The following TRAF3 variants were observed in gnomAD, a reference collection of about 807,000 sequenced individuals.
The protein encoded by TRAF3 is TNF receptor associated factor 3.
Under a neutral mutation model 62.3 loss-of-function variants are expected in TRAF3, and 13 were observed. The observed-to-expected ratio is 0.21, with a 90% CI of 0.14 to 0.33. TRAF3 has a LOEUF of 0.33. TRAF3 is among the 10% of genes least tolerant of loss of function. The pLI is 1.00. For synonymous variants in TRAF3, 269 were observed against 283.4 expected (o/e 0.95, Z 0.51); for missense variants, 440 against 741.8 (o/e 0.59, Z 4.73).
intron 1 of TRAF3, among the ~76,000 whole-genome samples, chr14:102,814,924 A>G (rs756978635): frequency 4.6e-5 from 7 of 152,028 alleles, no homozygotes; most frequent in African/African-American, 1.4e-4. Flanking sequence ...TGCTTTTGGT[A>G]TCCTTTTCTT....
At chr14:102,874,078 A>G (rs1651504002) in intron 4 of TRAF3, among the ~76,000 whole-genome samples, 1 of 152,170 alleles carries the variant, frequency 6.6e-6, no homozygotes, top group South Asian at 2.1e-4. Flanking sequence ...TGGGCAGCAT[A>G]TGGAGACCCC....
chr14:102,894,303 G>A (rs964826779), intron 9 of TRAF3, among the ~76,000 whole-genome samples: 1 of 152,054 alleles, frequency 6.6e-6, no homozygotes, highest in Non-Finnish European at 1.5e-5. Context: ...TTCCAGCCTG[G>A]GTGACAGAGT....
At chr14:102,793,791 T>G (rs1016298340) in intron 1 of TRAF3, among the ~76,000 whole-genome samples, 11 of 152,238 alleles carry the variant, frequency 7.2e-5, no homozygotes, top group African/African-American at 2.2e-4. Flanking sequence ...AGCCACAGAT[T>G]GTTCCGGATA....
chr14:102,882,567 GT>G (rs386382371), intron 6 of TRAF3, among the ~76,000 whole-genome samples: 26 of 137,144 alleles, frequency 1.9e-4, no homozygotes, highest in South Asian at 2.4e-4. Context: ...CATGTATTTT[GT>G]TTTTTTTTTT....
chr14:102,803,383 G>A (rs1029481359), intron 1 of TRAF3, among the ~76,000 whole-genome samples: 2 of 152,084 alleles, frequency 1.3e-5, no homozygotes, highest in African/African-American at 4.8e-5. Context: ...GTGGCAGGCT[G>A]CCTGGTCTGA....
chr14:102,881,253 A>G (rs1188670867), intron 6 of TRAF3, among the ~76,000 whole-genome samples: 1 of 152,040 alleles, frequency 6.6e-6, no homozygotes, highest in Non-Finnish European at 1.5e-5. Context: ...GCATGGTAAC[A>G]CATGCCTGTA....
At chr14:102,888,506 C>G (rs1889530944) in intron 7 of TRAF3, among the ~76,000 whole-genome samples, 3 of 152,186 alleles carry the variant, frequency 2.0e-5, no homozygotes, top group Admixed American at 2.0e-4. Flanking sequence ...CCGCCTTTGT[C>G]CTGGTAGACT....
chr14:102,802,419 G>C (rs1001451818), intron 1 of TRAF3, among the ~76,000 whole-genome samples: 3 of 150,974 alleles, frequency 2.0e-5, no homozygotes, highest in Non-Finnish European at 4.4e-5. Context: ...CTCCCAAAGT[G>C]CTGGGATTAC....
rs982973118 is a variant in TRAF3 at position 102,843,202 on chromosome 14, C to CA, written c.-18+12741dup. 7.3e-3 allele frequency among the ~76,000 whole-genome samples: 955 copies of CA among 131,318 alleles called. 9 individuals carry two copies. The highest frequency in any genetic ancestry group is 0.024 in the African/African-American group (841 of 35,616). 86.1% of individuals were successfully genotyped at this position (131,318 alleles called of 152,430 possible). A position where few individuals can be genotyped will look rare whatever the true frequency, so the allele number is the denominator to read the frequency against. On this transcript the variant is annotated intron_variant, in intron 2 of 11. Coordinates refer to ENST00000392745, the MANE Select transcript of TRAF3 (RefSeq NM_145725.3). ...TGGGCGACAGAGGGAGACTCCATCT[C>CA]AAAAAAAAAAACCCAAAAACAAAAA...
At chr14:102,800,979 C>CCATCCTGGCTAA (rs759044543) in intron 1 of TRAF3, among the ~76,000 whole-genome samples, 40 of 147,270 alleles carry the variant, frequency 2.7e-4, no homozygotes, top group Admixed American at 8.7e-4. Context: ...GAGATCGAGA[C>CCATCCTGGCTAA]CACGGTGAAA....
At chr14:102,875,801 G>A in intron 5 of TRAF3, 73 bp downstream of exon 5, 2 of 1,318,124 alleles carry the variant, frequency 1.5e-6, no homozygotes, top group Non-Finnish European at 2.2e-6. Flanking sequence ...TGATGAAGTG[G>A]TCAGTAGGAT....
chr14:102,879,397 A>G (rs1488928335), intron 6 of TRAF3, among the ~76,000 whole-genome samples: 1 of 152,048 alleles, frequency 6.6e-6, no homozygotes, highest in African/African-American at 2.4e-5. Context: ...CTCAGGAACC[A>G]TAGGTGCATG....
intron 1 of TRAF3, among the ~76,000 whole-genome samples, chr14:102,828,053 A>C (rs144404631): frequency 2.6e-5 from 4 of 152,370 alleles, no homozygotes; most frequent in Admixed American, 6.5e-5. Flanking sequence ...TCGTTTCCGC[A>C]TTCCCACCCC....
At chr14:102,809,528 A>G (rs1237399580) in intron 1 of TRAF3, among the ~76,000 whole-genome samples, 1 of 134,170 alleles carries the variant, frequency 7.5e-6, no homozygotes, top group Non-Finnish European at 1.6e-5. Context: ...CACAGCATAG[A>G]CTTTTTTTTT....
chr14:102,906,134 A>AAC lies in TRAF3; in HGVS notation c.*367_*368dup, dbSNP rs142806500. On this transcript the variant is annotated 3_prime_UTR_variant, in exon 12 of 12. Transcript: ENST00000392745. ...CTTCCTTAAACTTGAACACCAAAAAAACACACACACACACACACGTGGGGA... is the reference window on the plus strand; with the variant it reads ...CTTCCTTAAACTTGAACACCAAAAAAACACACACACACACACACACGTGGGGA... The AAC allele has an allele frequency of 0.02, 4,181 of 214,068 alleles. 60 individuals are homozygous for AAC. Among genetic ancestry groups the AAC allele is most frequent in the Non-Finnish European group, 0.024 (2,509 of 106,156 alleles). 13.3% of individuals were successfully genotyped at this position (214,068 alleles called of 1,614,324 possible).
intron 1 of TRAF3, among the ~76,000 whole-genome samples, chr14:102,817,870 A>T (rs1310229453): frequency 6.6e-6 from 1 of 152,174 alleles, no homozygotes; most frequent in Non-Finnish European, 1.5e-5. Flanking sequence ...AACCTTAAAG[A>T]GTTTGAGATT....
chr14:102,798,489 A>T (rs1898220163), intron 1 of TRAF3, among the ~76,000 whole-genome samples: 1 of 152,194 alleles, frequency 6.6e-6, no homozygotes, highest in Non-Finnish European at 1.5e-5. Context: ...CAAATATAAA[A>T]ACTAGCCAGG....
chr14:102,817,189 A>G (rs577961663), intron 1 of TRAF3, among the ~76,000 whole-genome samples: 23 of 152,216 alleles, frequency 1.5e-4, no homozygotes, highest in African/African-American at 5.1e-4. Context: ...TTACAGGGAA[A>G]GGGGTGCTGG....
intron 1 of TRAF3, among the ~76,000 whole-genome samples, chr14:102,800,695 C>CTTTTTTTTTTTTT (rs369818329): frequency 1.5e-5 from 2 of 133,180 alleles, no homozygotes; most frequent in Admixed American, 7.6e-5. Context: ...TGTTCTTTTC[C>CTTTTTTTTTTTTT]TTTTTTTTTT....
Sources: allele counts gnomAD v4.1 joint callset (sites outside exome capture counted in the v4.1 genomes callset), GRCh38; gene constraint gnomAD v4.1.1; transcripts MANE v1.5; gene names NCBI Gene and HGNC (gene_info 2026-07-23, HGNC 2026-07-21).